The following RLIG1 variants were observed in gnomAD, a reference collection of about 807,000 sequenced individuals.
RLIG1 encodes RNA 5'-phosphate and 3'-OH ligase 1.
At chr12:88,046,995 C>A in the RLIG1 span, 2 of 1,580,910 alleles carry the variant, frequency 1.3e-6, no homozygotes, top group South Asian at 1.2e-5. Context: ...AAAAATAGCT[C>A]CGGTGGGGTT....
chr12:88,046,763 G>A, the RLIG1 span: 1 of 1,529,716 alleles, frequency 6.5e-7, no homozygotes. Context: ...AGTTCTGAAA[G>A]TTCCTTTAAA....
chr12:88,046,909 T>C, the RLIG1 span: 4 of 1,613,162 alleles, frequency 2.5e-6, no homozygotes, highest in Non-Finnish European at 3.4e-6. Context: ...GTGTCCTGGT[T>C]TGAAGATTGC....
chr12:88,035,928 T>C, the RLIG1 span: 1 of 1,516,512 alleles, frequency 6.6e-7, no homozygotes, highest in South Asian at 1.2e-5. Flanking sequence ...TCTTGTACTT[T>C]TCTTAGTTGT....
At chr12:88,035,552 C>G in the RLIG1 span, 1 of 1,305,314 alleles carries the variant, frequency 7.7e-7, no homozygotes, top group Non-Finnish European at 1.1e-6. Flanking sequence ...TGTGCGTGGC[C>G]TGAGCCGTGC....
the RLIG1 span, chr12:88,043,888 T>G: frequency 3.3e-6 from 2 of 609,840 alleles, no homozygotes; most frequent in Non-Finnish European, 5.7e-6. Context: ...CAAAGATGTT[T>G]CATATCAAGA....
the RLIG1 span, among the ~76,000 whole-genome samples, chr12:88,041,022 T>C: frequency 6.6e-6 from 1 of 152,168 alleles, no homozygotes; most frequent in Non-Finnish European, 1.5e-5. Context: ...TATGTTTACA[T>C]TGTTGTGCTA....
At chr12:88,044,021 C>G in the RLIG1 span, 25 of 298,346 alleles carry the variant, frequency 8.4e-5, no homozygotes, top group South Asian at 8.9e-4. Context: ...CCTGTAATCC[C>G]AGCACTTTGG....
chr12:88,043,851 A>G, the RLIG1 span: 1 of 667,736 alleles, frequency 1.5e-6, no homozygotes, highest in Non-Finnish European at 2.6e-6. Context: ...AATCAAATTT[A>G]TGTAAAGTCC....
At chr12:88,044,425 G>A in the RLIG1 span, 1 of 152,224 alleles carries the variant, frequency 6.6e-6, no homozygotes, top group Non-Finnish European at 1.5e-5. Context: ...AGATATCCCA[G>A]ATTAAGGTTA....
At chr12:88,044,444 C>T in the RLIG1 span, 1 of 152,184 alleles carries the variant, frequency 6.6e-6, no homozygotes, top group African/African-American at 2.4e-5. Context: ...TATAGGTTCT[C>T]AACCGGCATG....
At chr12:88,035,856 A>T in the RLIG1 span, 15 of 1,523,586 alleles carry the variant, frequency 9.8e-6, no homozygotes, top group Non-Finnish European at 1.3e-5. Flanking sequence ...CAGGCCAGGA[A>T]CCTCTGTAGG....
At chr12:88,035,778 G>T in the RLIG1 span, 2 of 1,557,904 alleles carry the variant, frequency 1.3e-6, no homozygotes, top group Non-Finnish European at 8.7e-7. Flanking sequence ...GCCCGCGTGG[G>T]CTCCTCCCCG....
At chr12:88,048,462 G>A in the RLIG1 span, 1 of 1,006,840 alleles carries the variant, frequency 9.9e-7, no homozygotes, top group Non-Finnish European at 1.4e-6. Flanking sequence ...TTCTAATCTT[G>A]AATATTCTAC....
At chr12:88,045,482 A>C in the RLIG1 span, 1 of 846,434 alleles carries the variant, frequency 1.2e-6, no homozygotes, top group African/African-American at 1.7e-5. Flanking sequence ...ATAGACACCC[A>C]GAAAACATGA....
At chr12:88,040,462 A>G in the RLIG1 span, among the ~76,000 whole-genome samples, 2 of 152,186 alleles carry the variant, frequency 1.3e-5, no homozygotes, top group Non-Finnish European at 2.9e-5. Context: ...AAGGTAACTA[A>G]AATATTTACT....
the RLIG1 span, among the ~76,000 whole-genome samples, chr12:88,038,932 G>C: frequency 6.6e-6 from 1 of 151,980 alleles, no homozygotes; most frequent in Non-Finnish European, 1.5e-5. Flanking sequence ...AGTTGAGGAG[G>C]AAAAACATGA....
At chr12:88,042,898 A>G in the RLIG1 span, 4 of 1,572,092 alleles carry the variant, frequency 2.5e-6, no homozygotes, top group East Asian at 2.4e-5. Context: ...AAAATTTTCT[A>G]CATTCAAAAG....
chr12:88,045,808 A>G, the RLIG1 span: 1 of 1,555,902 alleles, frequency 6.4e-7, no homozygotes, highest in South Asian at 1.1e-5. Context: ...TTGTTCAGTT[A>G]TTGTAACTGA....
the RLIG1 span, chr12:88,043,612 C>T: frequency 1.6e-5 from 26 of 1,601,786 alleles, no homozygotes; most frequent in Middle Eastern, 1.7e-4. Context: ...TTTTTTGGAA[C>T]GTTGAGGAGG....
Sources: allele counts gnomAD v4.1 joint callset (sites outside exome capture counted in the v4.1 genomes callset), GRCh38; gene constraint gnomAD v4.1.1; transcripts MANE v1.5; gene names NCBI Gene and HGNC (gene_info 2026-07-23, HGNC 2026-07-21).